Variants in DPP10 observed in about 807,000 individuals in gnomAD.
DPP10 encodes inactive dipeptidyl peptidase 10.
In DPP10, 33 loss-of-function variants were observed where a neutral mutation model predicts 120.9. That is an observed-to-expected ratio of 0.27 (90% CI 0.21 to 0.37). DPP10 has a LOEUF of 0.37. DPP10 is among the 10% of genes least tolerant of loss of function. DPP10 has a pLI of 1.00. For synonymous variants in DPP10, 337 were observed against 326.1 expected (o/e 1.03, Z -0.36); for missense variants, 816 against 942.8 (o/e 0.87, Z 1.76).
chr2:115,766,278 T>TA (rs1680705047), intron 12 of DPP10, among the ~76,000 whole-genome samples: 1 of 95,988 alleles, frequency 1.0e-5, no homozygotes, highest in Non-Finnish European at 2.4e-5. Context: ...AAAATACTCA[T>TA]TATATATATG....
At chr2:114,796,680 A>G in intron 1 of DPP10, among the ~76,000 whole-genome samples, 1 of 152,290 alleles carries the variant, frequency 6.6e-6, no homozygotes, top group Non-Finnish European at 1.5e-5. Context: ...TATTTTGTAT[A>G]CTTACCCCAA....
chr2:114,460,379 A>T (rs1573395665), intron 1 of DPP10, among the ~76,000 whole-genome samples: 2 of 152,166 alleles, frequency 1.3e-5, no homozygotes, highest in Admixed American at 1.3e-4. Context: ...TTTGCATATA[A>T]TTTCAGATTA....
At chr2:115,596,212 C>A (rs2082978561) in intron 5 of DPP10, among the ~76,000 whole-genome samples, 1 of 152,124 alleles carries the variant, frequency 6.6e-6, no homozygotes, top group Non-Finnish European at 1.5e-5. Context: ...AAACACCTAG[C>A]AAAGGCAGTA....
intron 1 of DPP10, among the ~76,000 whole-genome samples, chr2:114,744,786 G>A (rs116382277): frequency 0.011 from 1,720 of 152,134 alleles, 14 homozygotes; most frequent in Middle Eastern, 0.034. Context: ...TTTTTAGACG[G>A]AGTCTCACTC....
chr2:115,459,008 T>G (rs2073806927), intron 3 of DPP10, among the ~76,000 whole-genome samples: 1 of 152,164 alleles, frequency 6.6e-6, no homozygotes, highest in South Asian at 2.1e-4. Context: ...CAGTGTCATG[T>G]TATATGTATG....
intron 1 of DPP10, among the ~76,000 whole-genome samples, chr2:115,005,655 A>G (rs1181307717): frequency 1.2e-4 from 18 of 152,100 alleles, no homozygotes; most frequent in African/African-American, 2.2e-4. Flanking sequence ...AGCGAGAAGG[A>G]AAGTTTAGAG....
intron 5 of DPP10, among the ~76,000 whole-genome samples, chr2:115,646,322 G>C (rs1055337786): frequency 8.5e-5 from 13 of 152,208 alleles, no homozygotes; most frequent in African/African-American, 2.9e-4. Context: ...GAGCTTTAAA[G>C]ATCATTACAG....
Position 115,816,837 on chromosome 2 carries a change from G to A in DPP10, c.1950+1108G>A, listed in dbSNP as rs185509725. On this transcript the variant is annotated intron_variant, in intron 21 of 25. Coordinates refer to ENST00000410059, the MANE Select transcript of DPP10 (RefSeq NM_020868.6). ...TTCACCATGTTGGCCAGATGGTCTCGATCTCTTGACCTCGTGATCCGCCTG... is the reference window on the plus strand; with the variant it reads ...TTCACCATGTTGGCCAGATGGTCTCAATCTCTTGACCTCGTGATCCGCCTG... Among the ~76,000 whole-genome samples, 20 of 150,302 alleles carry A rather than the reference G, an allele frequency of 1.3e-4. No individual in the cohort carries two copies. In the East Asian group the frequency reaches 3.2e-3, roughly 24 times the overall value.
chr2:115,489,146 C>G (rs759536300), intron 3 of DPP10, among the ~76,000 whole-genome samples: 36 of 152,160 alleles, frequency 2.4e-4, no homozygotes, highest in Non-Finnish European at 4.9e-4. Context: ...ATATTTAAGG[C>G]TTTGCGGGCC....
At chr2:115,276,662 A>G (rs755836493) in intron 1 of DPP10, among the ~76,000 whole-genome samples, 4 of 152,194 alleles carry the variant, frequency 2.6e-5, no homozygotes, top group African/African-American at 4.8e-5. Context: ...GATTACTCTG[A>G]GAATTTTGTA....
At chr2:115,652,977 T>A (rs2087937883) in intron 5 of DPP10, among the ~76,000 whole-genome samples, 3 of 151,998 alleles carry the variant, frequency 2.0e-5, no homozygotes, top group Admixed American at 2.0e-4. Context: ...ATTGGCGAAA[T>A]TGTTTACAAA....
At chr2:115,374,003 C>T (rs1336072088) in intron 3 of DPP10, among the ~76,000 whole-genome samples, 1 of 152,032 alleles carries the variant, frequency 6.6e-6, no homozygotes, top group African/African-American at 2.4e-5. Flanking sequence ...CCCCATGTTC[C>T]AGTCACCTCC....
At chr2:115,224,603 C>T (rs781131121) in intron 1 of DPP10, among the ~76,000 whole-genome samples, 2 of 152,002 alleles carry the variant, frequency 1.3e-5, no homozygotes, top group Non-Finnish European at 2.9e-5. Flanking sequence ...ATTAATTGTA[C>T]AACATGGTGA....
intron 3 of DPP10, among the ~76,000 whole-genome samples, chr2:115,459,938 T>TATATATATATATATATATAC (rs66927327): frequency 3.1e-5 from 4 of 128,504 alleles, no homozygotes; most frequent in African/African-American, 1.1e-4. Context: ...TATATATATA[T>TATATATATATATATATATAC]ACACACACAC....
At chr2:114,546,836 T>A (rs748741606) in intron 1 of DPP10, among the ~76,000 whole-genome samples, 7 of 152,194 alleles carry the variant, frequency 4.6e-5, no homozygotes, top group Non-Finnish European at 8.8e-5. Flanking sequence ...AAATTAAATA[T>A]CTTCTTTCCT....
At chr2:115,785,975 G>A (rs1575771605) in intron 17 of DPP10, among the ~76,000 whole-genome samples, 1 of 151,510 alleles carries the variant, frequency 6.6e-6, no homozygotes, top group Middle Eastern at 3.4e-3. Context: ...ATACACTAAT[G>A]TTTAAATAAT....
chr2:115,756,511 A>G (rs919524793), intron 11 of DPP10, among the ~76,000 whole-genome samples: 1 of 152,156 alleles, frequency 6.6e-6, no homozygotes, highest in Non-Finnish European at 1.5e-5. Flanking sequence ...AAGTGAATGT[A>G]TGAAGAGGAA....
At chr2:115,626,887 T>A (rs2085410138) in intron 5 of DPP10, among the ~76,000 whole-genome samples, 3 of 152,194 alleles carry the variant, frequency 2.0e-5, no homozygotes, top group Non-Finnish European at 4.4e-5. Context: ...AGATATTGAT[T>A]TCTAAATACC....
intron 3 of DPP10, among the ~76,000 whole-genome samples, chr2:115,375,637 A>T (rs1364422197): frequency 6.6e-6 from 1 of 152,184 alleles, no homozygotes; most frequent in Non-Finnish European, 1.5e-5. Flanking sequence ...ATAAAGATCT[A>T]CCTGAGACTG....
Sources: allele counts gnomAD v4.1 joint callset (sites outside exome capture counted in the v4.1 genomes callset), GRCh38; gene constraint gnomAD v4.1.1; transcripts MANE v1.5; gene names NCBI Gene and HGNC (gene_info 2026-07-23, HGNC 2026-07-21).